DLG2: variants seen among roughly 807,000 people sequenced by gnomAD.
DLG2 encodes the protein discs large MAGUK scaffold protein 2, also known as disks large homolog 2.
A neutral mutation model predicts 132.5 loss-of-function variants in DLG2; 45 were observed. The ratio of observed to expected loss-of-function variants is 0.34; its 90% CI spans 0.27 to 0.44. The LOEUF (loss-of-function observed/expected upper bound fraction) is 0.44, where lower values mean the gene tolerates loss of function less well. DLG2 is among the 20% of genes least tolerant of loss of function. The pLI, the probability that DLG2 is intolerant of heterozygous loss-of-function variation, is 1.00. For synonymous variants in DLG2, 424 were observed against 419.6 expected (o/e 1.01, Z -0.13); for missense variants, 1,045 against 1,196.9 (o/e 0.87, Z 1.87).
At chr11:84,683,734 G>C (rs914015059) in intron 6 of DLG2, among the ~76,000 whole-genome samples, 1 of 152,140 alleles carries the variant, frequency 6.6e-6, no homozygotes, top group African/African-American at 2.4e-5. Context: ...CCTGGAGACA[G>C]GGTGTTTAGG....
At chr11:83,753,824 C>A (rs1291914717) in intron 18 of DLG2, among the ~76,000 whole-genome samples, 4 of 36,718 alleles carry the variant, frequency 1.1e-4, no homozygotes, top group Non-Finnish European at 1.9e-4. Flanking sequence ...ATATATATTT[C>A]ATATATATAT....
chr11:84,744,161 T>TGAA (rs2065053771), intron 6 of DLG2, among the ~76,000 whole-genome samples: 1 of 152,136 alleles, frequency 6.6e-6, no homozygotes, highest in Non-Finnish European at 1.5e-5. Flanking sequence ...AGAAGAGCCC[T>TGAA]GAACAACAAC....
intron 6 of DLG2, among the ~76,000 whole-genome samples, chr11:84,643,200 C>T (rs768740630): frequency 2.6e-5 from 4 of 152,056 alleles, no homozygotes; most frequent in Non-Finnish European, 5.9e-5. Context: ...GGGCAGGATG[C>T]GAGGTGATTA....
chr11:84,349,930 C>A (rs1332166319), intron 7 of DLG2, among the ~76,000 whole-genome samples: 2 of 151,964 alleles, frequency 1.3e-5, no homozygotes, highest in African/African-American at 4.8e-5. Flanking sequence ...GTAATCCCAG[C>A]ACTTTGGGAG....
chr11:83,716,085 G>A (rs2086624870), intron 18 of DLG2, among the ~76,000 whole-genome samples: 1 of 152,132 alleles, frequency 6.6e-6, no homozygotes, highest in Non-Finnish European at 1.5e-5. Context: ...CACCATGCCT[G>A]GCACATAACA....
intron 3 of DLG2, among the ~76,000 whole-genome samples, chr11:85,476,628 T>G (rs1276696546): frequency 6.6e-6 from 1 of 152,134 alleles, no homozygotes; most frequent in East Asian, 1.9e-4. Context: ...TTTTTACATT[T>G]TAAACTTTTT....
chr11:84,830,892 C>T (rs2078951210), intron 6 of DLG2, among the ~76,000 whole-genome samples: 1 of 151,216 alleles, frequency 6.6e-6, no homozygotes, highest in African/African-American at 2.4e-5. Flanking sequence ...CAAGAAATAA[C>T]AGTACAGTTG....
chr11:84,650,684 C>T (rs1170675027), intron 6 of DLG2, among the ~76,000 whole-genome samples: 3 of 151,870 alleles, frequency 2.0e-5, no homozygotes, highest in African/African-American at 7.3e-5. Flanking sequence ...CATTAAATTG[C>T]TATTCATAGT....
At chr11:84,494,223 A>G (rs1313314478) in intron 7 of DLG2, among the ~76,000 whole-genome samples, 1 of 152,190 alleles carries the variant, frequency 6.6e-6, no homozygotes, top group African/African-American at 2.4e-5. Flanking sequence ...AGCAAAGATA[A>G]TACATGTGCT....
intron 15 of DLG2, among the ~76,000 whole-genome samples, chr11:83,901,000 G>A (rs979958576): frequency 1.3e-5 from 2 of 152,208 alleles, no homozygotes; most frequent in African/African-American, 4.8e-5. Context: ...ACCTGGATGT[G>A]AGACATGGAG....
intron 7 of DLG2, among the ~76,000 whole-genome samples, chr11:84,340,435 T>G (rs1299248163): frequency 6.6e-6 from 1 of 152,208 alleles, no homozygotes; most frequent in Admixed American, 6.5e-5. Context: ...GTATAACTTC[T>G]CATACAGAGA....
At chr11:83,962,689 C>T (rs2089163386) in intron 14 of DLG2, among the ~76,000 whole-genome samples, 196 bp downstream of exon 14, 1 of 151,976 alleles carries the variant, frequency 6.6e-6, no homozygotes, top group South Asian at 2.1e-4. Flanking sequence ...ACTATTTATT[C>T]ACAAATATTT....
In DLG2 at chr11:84,202,038, C is replaced by T. The variant is rs999013235; in HGVS notation, c.574-38527G>A. 6.6e-5 allele frequency among the ~76,000 whole-genome samples: 10 copies of T among 151,646 alleles called. 1 individual carries two copies. The highest frequency in any genetic ancestry group is 5.3e-4 in the Admixed American group (8 of 15,206). On this transcript the variant is annotated intron_variant, in intron 8 of 27. Transcript: ENST00000376104. ...TTCACTATGTTGGCCAGGCTGGTCT[C>T]GAACTCCTGACTTCATGATCCTCCT...
At chr11:84,742,469 A>G (rs918865993) in intron 6 of DLG2, among the ~76,000 whole-genome samples, 4 of 152,204 alleles carry the variant, frequency 2.6e-5, no homozygotes, top group African/African-American at 7.2e-5. Flanking sequence ...CAGAAACCTT[A>G]CAGGCGTTTT....
intron 6 of DLG2, among the ~76,000 whole-genome samples, chr11:84,632,844 A>C (rs777393150): frequency 1.3e-5 from 2 of 152,172 alleles, no homozygotes; most frequent in Non-Finnish European, 2.9e-5. Context: ...GAATTTTTAC[A>C]TCCTTTAGTT....
chr11:83,616,702 T>G (rs1414900898), intron 19 of DLG2, among the ~76,000 whole-genome samples: 1 of 152,194 alleles, frequency 6.6e-6, no homozygotes, highest in African/African-American at 2.4e-5. Flanking sequence ...TTGTGCCTGT[T>G]TAATACTTAA....
chr11:84,295,990 G>A (rs970002628), intron 7 of DLG2, among the ~76,000 whole-genome samples: 2 of 152,144 alleles, frequency 1.3e-5, no homozygotes, highest in African/African-American at 4.8e-5. Flanking sequence ...TCTGGATAAA[G>A]ACATCTCATG....
At position 85,583,057 on chromosome 11, in the gene DLG2, A is replaced by AAT. The variant is rs71995683; in HGVS notation, c.40+15598_40+15599dup. The stretch of plus-strand genomic sequence containing the variant: ...GAACTAGAAACCAGGGGAAAAAAAA[A>AAT]ATATATATATATATATATATAATAT... On this transcript the variant is annotated intron_variant, in intron 3 of 27. Coordinates refer to ENST00000376104, the MANE Select transcript of DLG2 (RefSeq NM_001142699.3). Among the ~76,000 whole-genome samples, 832 of 101,568 alleles carry AAT rather than the reference A, an allele frequency of 8.2e-3. 9 individuals carry two copies. Among genetic ancestry groups the AAT allele is most frequent in the Non-Finnish European group, 0.01 (558 of 54,020 alleles). 66.6% of individuals were successfully genotyped at this position (101,568 alleles called of 152,430 possible).
At chr11:83,496,997 C>T (rs1007072564) in intron 21 of DLG2, among the ~76,000 whole-genome samples, 4 of 152,174 alleles carry the variant, frequency 2.6e-5, no homozygotes, top group African/African-American at 9.7e-5. Context: ...CAGTGAATGC[C>T]ACTTATTTTT....
Sources: allele counts gnomAD v4.1 joint callset (sites outside exome capture counted in the v4.1 genomes callset), GRCh38; gene constraint gnomAD v4.1.1; transcripts MANE v1.5; gene names NCBI Gene and HGNC (gene_info 2026-07-23, HGNC 2026-07-21).